The following SORCS3 variants were observed in gnomAD, a reference collection of about 807,000 sequenced individuals.
SORCS3 encodes the protein VPS10 domain-containing receptor SorCS3.
Under a neutral mutation model 146.3 loss-of-function variants are expected in SORCS3, and 57 were observed. The ratio of observed to expected loss-of-function variants is 0.39; its 90% CI spans 0.31 to 0.49. SORCS3 has a LOEUF of 0.49. Among genes scored for constraint, SORCS3 ranks in the 20% least tolerant of loss-of-function variants. The pLI is 0.92. For synonymous variants in SORCS3, 653 were observed against 618.5 expected, an observed-to-expected ratio of 1.06 and a Z score of -0.83; for missense variants, 1,341 against 1,575.5, an observed-to-expected ratio of 0.85 and a Z score of 2.52.
intron 1 of SORCS3, among the ~76,000 whole-genome samples, chr10:104,662,215 T>A (rs2133248962): frequency 6.6e-6 from 1 of 152,256 alleles, no homozygotes; most frequent in African/African-American, 2.4e-5. Flanking sequence ...GCTGAGAGTA[T>A]CAGAGCAAAA....
At chr10:105,196,841 T>A (rs973003540) in intron 14 of SORCS3, among the ~76,000 whole-genome samples, 1 of 152,102 alleles carries the variant, frequency 6.6e-6, no homozygotes, top group African/African-American at 2.4e-5. Flanking sequence ...TGTAACAAAT[T>A]TAGTGGCTTA....
At position 105,016,155 on chromosome 10, in the gene SORCS3, A is replaced by ATATATATT. The variant is rs71482443; in HGVS notation, c.955-26899_955-26898insATATATTT. The stretch of plus-strand genomic sequence containing the variant: ...TATAAATATATATATATATATATAT[A>ATATATATT]TTTTTTTTTTTTTTTGAGATGGAGT... On this transcript the variant is annotated intron_variant, in intron 4 of 26. Transcript: ENST00000369701. 1.4e-3 allele frequency among the ~76,000 whole-genome samples: 139 copies of ATATATATT among 101,314 alleles called. 3 individuals carry two copies. Among genetic ancestry groups the ATATATATT allele is most frequent in the African/African-American group, 6.2e-3 (129 of 20,670 alleles). 66.5% of individuals were successfully genotyped at this position (101,314 alleles called of 152,430 possible). A position where few individuals can be genotyped will look rare whatever the true frequency, so the allele number is the denominator to read the frequency against.
chr10:105,167,957 C>T (rs921339982), intron 13 of SORCS3, among the ~76,000 whole-genome samples: 13 of 151,800 alleles, frequency 8.6e-5, no homozygotes, highest in African/African-American at 2.2e-4. Context: ...AATTATGGGA[C>T]GGACTAAAGA....
chr10:104,642,949 C>T (rs1432229143), intron 1 of SORCS3, among the ~76,000 whole-genome samples: 3 of 152,114 alleles, frequency 2.0e-5, no homozygotes, highest in African/African-American at 7.2e-5. Flanking sequence ...CAGCGCGTGC[C>T]CGGAGGGGCT....
intron 2 of SORCS3, among the ~76,000 whole-genome samples, chr10:104,871,533 A>G (rs2018518789): frequency 6.6e-6 from 1 of 152,200 alleles, no homozygotes; most frequent in African/African-American, 2.4e-5. Context: ...CAGAAAGATA[A>G]ATGAGAATTG....
intron 4 of SORCS3, among the ~76,000 whole-genome samples, chr10:104,991,503 CT>C (rs1159374839): frequency 1.6e-3 from 220 of 139,168 alleles, no homozygotes; most frequent in Admixed American, 2.8e-3. Flanking sequence ...CCTCTTCTTC[CT>C]TTTTTTTTTT....
Position 105,253,038 on chromosome 10 carries a change from T to G in SORCS3, c.3237+132T>G, listed in dbSNP as rs528879267. On this transcript the variant is annotated intron_variant, in intron 23 of 26. Transcript: ENST00000369701. ...CAACAGCCAAGGTTTTGAAGAGCAATCACCCTTACCCAGAGTAAATACAGG... is the reference window on the plus strand; with the variant it reads ...CAACAGCCAAGGTTTTGAAGAGCAAGCACCCTTACCCAGAGTAAATACAGG... 4.7e-5 allele frequency: 48 copies of G among 1,021,930 alleles called. 1 individual carries two copies. Among genetic ancestry groups the G allele is most frequent in the Non-Finnish European group, 6.6e-5 (47 of 707,638 alleles). The allele number at this position is 1,021,930 out of a possible 1,614,324, so 63.3% of individuals were successfully genotyped here.
chr10:104,722,872 C>A (rs1246446172), intron 1 of SORCS3, among the ~76,000 whole-genome samples: 1 of 151,626 alleles, frequency 6.6e-6, no homozygotes, highest in Non-Finnish European at 1.5e-5. Flanking sequence ...TCTCTCTTTT[C>A]TTCTTTATTA....
intron 1 of SORCS3, among the ~76,000 whole-genome samples, chr10:104,663,044 C>T (rs959491803): frequency 6.6e-6 from 1 of 152,116 alleles, no homozygotes; most frequent in Non-Finnish European, 1.5e-5. Context: ...AGCAGAAGCC[C>T]ACACTGCCGT....
At chr10:104,772,054 G>A (rs985432389) in intron 1 of SORCS3, among the ~76,000 whole-genome samples, 5 of 152,204 alleles carry the variant, frequency 3.3e-5, no homozygotes, top group African/African-American at 7.2e-5. Context: ...CTTGTGTTTC[G>A]ATAGGTGGGG....
intron 14 of SORCS3, among the ~76,000 whole-genome samples, chr10:105,190,436 C>T (rs1255464935): frequency 2.0e-5 from 3 of 152,188 alleles, no homozygotes; most frequent in Non-Finnish European, 4.4e-5. Context: ...GACGGAGTCT[C>T]GCTCTGTCAC....
intron 3 of SORCS3, among the ~76,000 whole-genome samples, chr10:104,920,003 T>C (rs979092689): frequency 6.6e-6 from 1 of 152,246 alleles, no homozygotes. Context: ...AACTTCGTTT[T>C]TAAGTTTCCT....
chr10:105,009,218 C>G (rs769984884), intron 4 of SORCS3, among the ~76,000 whole-genome samples: 8 of 152,052 alleles, frequency 5.3e-5, no homozygotes, highest in Non-Finnish European at 1.0e-4. Context: ...ATAGGAGGAG[C>G]TAGTGCATGT....
chr10:105,100,503 G>T (rs1257907517), intron 6 of SORCS3, among the ~76,000 whole-genome samples: 5 of 152,190 alleles, frequency 3.3e-5, no homozygotes, highest in Admixed American at 2.6e-4. Flanking sequence ...AAAAGTCCAT[G>T]TGCATTTTTA....
chr10:104,766,545 G>C (rs762429772), intron 1 of SORCS3, among the ~76,000 whole-genome samples: 3 of 152,244 alleles, frequency 2.0e-5, no homozygotes, highest in Non-Finnish European at 4.4e-5. Context: ...ACAGTGCCTA[G>C]CACAGAGCAG....
intron 1 of SORCS3, among the ~76,000 whole-genome samples, chr10:104,744,067 T>C (rs1181918862): frequency 6.6e-6 from 1 of 152,218 alleles, no homozygotes; most frequent in Non-Finnish European, 1.5e-5. Flanking sequence ...CATCTCCATA[T>C]TGCAGATGAA....
chr10:104,961,761 C>A (rs1445596273), intron 3 of SORCS3, among the ~76,000 whole-genome samples: 1 of 152,118 alleles, frequency 6.6e-6, no homozygotes, highest in East Asian at 1.9e-4. Context: ...AAGCTAGCTT[C>A]TCTGTCTAGT....
intron 5 of SORCS3, among the ~76,000 whole-genome samples, chr10:105,084,792 G>A (rs181088749): frequency 1.2e-3 from 175 of 150,658 alleles, no homozygotes; most frequent in African/African-American, 3.5e-3. Context: ...GTGCAGTGGC[G>A]CCATCTCGGC....
intron 3 of SORCS3, among the ~76,000 whole-genome samples, chr10:104,934,317 G>A (rs1173311695): frequency 1.3e-5 from 2 of 152,192 alleles, no homozygotes; most frequent in Admixed American, 6.5e-5. Context: ...TGAGACAATA[G>A]GTCTAGGCAT....
Sources: allele counts gnomAD v4.1 joint callset (sites outside exome capture counted in the v4.1 genomes callset), GRCh38; gene constraint gnomAD v4.1.1; transcripts MANE v1.5; gene names NCBI Gene and HGNC (gene_info 2026-07-23, HGNC 2026-07-21).